Variants in SUMF1 observed in about 807,000 individuals in gnomAD.
The protein encoded by SUMF1 is sulfatase modifying factor 1.
A neutral mutation model predicts 47.6 loss-of-function variants in SUMF1; 48 were observed. The observed-to-expected ratio is 1.01, with a 90% confidence interval of 0.80 to 1.28. The LOEUF is 1.28. Among genes scored for constraint, SUMF1 ranks in the 50% most tolerant of loss-of-function variants. The pLI is 0.00. For synonymous variants in SUMF1, 230 were observed against 192.1 expected (o/e 1.20, Z -1.63); for missense variants, 571 against 485.4 (o/e 1.18, Z -1.66).
rs767337386 is a variant in SUMF1, at chr3:4,420,105, G to C, written c.561C>G (p.Asn187Lys). 6.2e-7 allele frequency: 1 copy of C among 1,614,168 alleles called. No individual in the cohort carries two copies. The highest frequency in any genetic ancestry group is 1.1e-5 in the South Asian group (1 of 91,082). The change falls in exon 4 of 9, where the codon AAC (asparagine) becomes AAG (lysine). Residue 187 changes from asparagine (N) to lysine (K), a missense_variant. Asn to Lys is a moderately conservative substitution (Grantham distance 94, BLOSUM62 0). Transcript: ENST00000272902. ...APWWLPVKGA[N>K]WRHPEGPDST... is the part of the protein sequence containing the mutation. Reference sequence around the variant, plus strand: ...AGTCAGGCCCTTCTGGGTGTCTCCAGTTAGCGCCTTTCACAGGTAACCACC... The same window carrying C: ...AGTCAGGCCCTTCTGGGTGTCTCCACTTAGCGCCTTTCACAGGTAACCACC...
At chr3:4,464,820 T>C (rs575429994) in intron 1 of SUMF1, among the ~76,000 whole-genome samples, 7 of 152,346 alleles carry the variant, frequency 4.6e-5, no homozygotes, top group Non-Finnish European at 8.8e-5. Flanking sequence ...GTTCAGCCCT[T>C]GAAGGCTTGA....
chr3:4,157,838 C>T (rs969548737), intron 8 of SUMF1, among the ~76,000 whole-genome samples: 1 of 151,312 alleles, frequency 6.6e-6, no homozygotes, highest in East Asian at 1.9e-4. Flanking sequence ...ACCCTGTCAC[C>T]GAGTTAAAAA....
At chr3:4,443,451 A>C (rs57674091) in intron 3 of SUMF1, among the ~76,000 whole-genome samples, 42,025 of 151,896 alleles carry the variant, frequency 0.28, 6,534 homozygotes, top group Middle Eastern at 0.39. Flanking sequence ...CAGAAGACAA[A>C]AGAGAAGAAA....
intron 8 of SUMF1, among the ~76,000 whole-genome samples, chr3:4,211,117 TATATAC>T (rs1243139433): frequency 1.5e-5 from 2 of 134,720 alleles, no homozygotes; most frequent in African/African-American, 2.9e-5. Context: ...TATATATATA[TATATAC>T]ACACACACAC....
intron 9 of SUMF1, among the ~76,000 whole-genome samples, chr3:4,054,076 TA>T (rs1411031914): frequency 6.6e-6 from 1 of 152,002 alleles, no homozygotes; most frequent in African/African-American, 2.4e-5. Flanking sequence ...GTCTGAGAAA[TA>T]ATAAGAGCCA....
intron 7 of SUMF1, among the ~76,000 whole-genome samples, chr3:4,406,163 A>G (rs79601501): frequency 0.014 from 2,110 of 152,308 alleles, 51 homozygotes; most frequent in African/African-American, 0.049. Context: ...AAACAGTAAA[A>G]TAACAACATT....
chr3:4,235,779 T>G (rs1183926942), intron 8 of SUMF1, among the ~76,000 whole-genome samples: 1 of 152,050 alleles, frequency 6.6e-6, no homozygotes, highest in African/African-American at 2.4e-5. Flanking sequence ...CATAAGCATC[T>G]AAAATCATTA....
At chr3:4,038,250 G>A (rs974570958) in intron 9 of SUMF1, among the ~76,000 whole-genome samples, 3 of 152,106 alleles carry the variant, frequency 2.0e-5, no homozygotes, top group Admixed American at 1.3e-4. Context: ...GTCAGCAATC[G>A]CTCACTGCAA....
chr3:4,177,154 C>A (rs1694984627), intron 8 of SUMF1, among the ~76,000 whole-genome samples: 1 of 152,046 alleles, frequency 6.6e-6, no homozygotes, highest in African/African-American at 2.4e-5. Context: ...AACAAGGATA[C>A]CCAGGACCTC....
chr3:4,401,830 A>G (rs766942615), intron 7 of SUMF1, among the ~76,000 whole-genome samples: 5 of 152,070 alleles, frequency 3.3e-5, no homozygotes, highest in Non-Finnish European at 7.4e-5. Flanking sequence ...TGCCATCCCA[A>G]TCTTATAGCA....
intron 8 of SUMF1, among the ~76,000 whole-genome samples, chr3:4,279,171 G>T (rs1209595943): frequency 2.6e-5 from 4 of 152,070 alleles, no homozygotes; most frequent in Non-Finnish European, 5.9e-5. Context: ...TCTAACACCA[G>T]CCACTTCATT....
chr3:4,255,091 C>T (rs1696917981), intron 8 of SUMF1, among the ~76,000 whole-genome samples: 2 of 150,534 alleles, frequency 1.3e-5, no homozygotes, highest in South Asian at 4.2e-4. Context: ...ACCAGGCCTG[C>T]CCTAAAAGAG....
intron 8 of SUMF1, among the ~76,000 whole-genome samples, chr3:4,243,226 T>G (rs769048165): frequency 1.3e-5 from 2 of 152,206 alleles, no homozygotes; most frequent in Admixed American, 6.5e-5. Context: ...CCTGGATTCA[T>G]TGATTTTCTG....
At chr3:4,221,238 C>T (rs1346430967) in intron 8 of SUMF1, among the ~76,000 whole-genome samples, 2 of 152,116 alleles carry the variant, frequency 1.3e-5, no homozygotes, top group Non-Finnish European at 2.9e-5. Context: ...AATGCAGCAG[C>T]AGTACTAAGA....
intron 8 of SUMF1, among the ~76,000 whole-genome samples, chr3:4,085,868 TG>T (rs11293292): frequency 0.12 from 18,238 of 152,044 alleles, 1,135 homozygotes; most frequent in Middle Eastern, 0.18. Context: ...AATACTCCCA[TG>T]ATTTGATATT....
In SUMF1 at chr3:4,247,660, T is replaced by C. The variant is rs376675234; in HGVS notation, c.1014+128670A>G. 8.5e-5 allele frequency among the ~76,000 whole-genome samples: 13 copies of C among 152,286 alleles called. 3 individuals are homozygous for C. The highest frequency in any genetic ancestry group is 6.5e-5 in the Admixed American group (1 of 15,290). Reference sequence around the variant, plus strand: ...TGAGTTAGAGCAAGCAGCTGACTTCTAGACTAAAACTGGAGGCACAAATTT... The same window carrying C: ...TGAGTTAGAGCAAGCAGCTGACTTCCAGACTAAAACTGGAGGCACAAATTT... On this transcript the variant is annotated intron_variant and NMD_transcript_variant, in intron 8 of 12. Coordinates refer to the SUMF1 transcript ENST00000448413.
chr3:4,339,526 G>A (rs943895117), intron 8 of SUMF1, among the ~76,000 whole-genome samples: 22 of 151,892 alleles, frequency 1.4e-4, no homozygotes, highest in African/African-American at 3.6e-4. Context: ...TTGTAGCTGC[G>A]GACAGGGTCT....
chr3:4,177,380 G>C (rs2587948), intron 8 of SUMF1, among the ~76,000 whole-genome samples: 91,814 of 151,944 alleles, frequency 0.6, 28,323 homozygotes, highest in Non-Finnish European at 0.68. Flanking sequence ...TCAGGATTAA[G>C]AAACTCACTC....
chr3:4,465,218 T>A (rs1165529725), intron 1 of SUMF1, among the ~76,000 whole-genome samples: 3 of 152,224 alleles, frequency 2.0e-5, no homozygotes, highest in African/African-American at 4.8e-5. Context: ...GGCTCACGTT[T>A]GTAATCCCAG....
Sources: allele counts gnomAD v4.1 joint callset (sites outside exome capture counted in the v4.1 genomes callset), GRCh38; gene constraint gnomAD v4.1.1; transcripts MANE v1.5; gene names NCBI Gene and HGNC (gene_info 2026-07-23, HGNC 2026-07-21).